HMCN1: variants seen among roughly 807,000 people sequenced by gnomAD.
HMCN1 encodes hemicentin 1.
HMCN1 carries 321 observed loss-of-function variants against 625.9 expected under a neutral mutation model. The observed-to-expected ratio is 0.51, with a 90% CI of 0.47 to 0.56. The LOEUF is 0.56. HMCN1 is among the 20% of genes least tolerant of loss of function. The pLI, the probability that HMCN1 is intolerant of heterozygous loss-of-function variation, is 0.00. For synonymous variants in HMCN1, 2,425 were observed against 2,417.6 expected (o/e 1.00, Z -0.09); for missense variants, 6,588 against 6,887.3 (o/e 0.96, Z 1.54).
Position 186,137,555 on chromosome 1 carries a change from A to G in HMCN1, c.13640A>G (p.Lys4547Arg), listed in dbSNP as rs1649682744. Residue 4547 changes from lysine to arginine, a missense_variant, in exon 88 of 107, where the codon AAA (lysine) becomes AGA (arginine). Coordinates refer to ENST00000271588, the MANE Select transcript of HMCN1 (RefSeq NM_031935.3). ...AWRACSVTCG[K>R]GIQKRSRLCN... Reference sequence around the variant, plus strand: ...AGAGCCTGCAGTGTCACCTGTGGAAAAGGCATCCAAAAGAGGAGTCGTCTG... The same window carrying G: ...AGAGCCTGCAGTGTCACCTGTGGAAGAGGCATCCAAAAGAGGAGTCGTCTG... 1.9e-6 allele frequency: 3 copies of G among 1,613,756 alleles called. No homozygotes were observed. The highest frequency in any genetic ancestry group is 2.5e-6 in the Non-Finnish European group (3 of 1,179,944).
intron 100 of HMCN1, among the ~76,000 whole-genome samples, chr1:186,167,394 A>G (rs1651945861): frequency 1.3e-5 from 2 of 152,314 alleles, no homozygotes; most frequent in South Asian, 2.1e-4. Context: ...AGATTCCTAT[A>G]TAACCCCTTC....
chr1:185,846,376 A>G (rs1661815242), intron 2 of HMCN1, among the ~76,000 whole-genome samples: 1 of 152,216 alleles, frequency 6.6e-6, no homozygotes, highest in Non-Finnish European at 1.5e-5. Flanking sequence ...GGTCCCTTTA[A>G]GGAAAAAGTT....
chr1:185,945,462 T>C (rs753543164), intron 11 of HMCN1, among the ~76,000 whole-genome samples: 2 of 152,154 alleles, frequency 1.3e-5, no homozygotes, highest in East Asian at 3.9e-4. Context: ...GCTGATGATA[T>C]AAATGAGGAG....
chr1:186,070,872 T>A, intron 52 of HMCN1, 115 bp downstream of exon 52: 3 of 1,051,676 alleles, frequency 2.9e-6, no homozygotes, highest in Admixed American at 1.8e-5. Context: ...ATCTTAAAAC[T>A]AGCAAATGCC....
At chr1:185,973,506 A>T (rs1003306614) in intron 15 of HMCN1, among the ~76,000 whole-genome samples, 1 of 152,034 alleles carries the variant, frequency 6.6e-6, no homozygotes, top group African/African-American at 2.4e-5. Context: ...TTAGGAAGAA[A>T]AGCATGCTTT....
At chr1:185,784,256 C>T (rs1657391062) in intron 1 of HMCN1, among the ~76,000 whole-genome samples, 1 of 152,166 alleles carries the variant, frequency 6.6e-6, no homozygotes, top group African/African-American at 2.4e-5. Flanking sequence ...TCTGTCACAG[C>T]TTCCCTTGGC....
intron 1 of HMCN1, among the ~76,000 whole-genome samples, chr1:185,786,963 T>G (rs900522097): frequency 6.6e-6 from 1 of 152,230 alleles, no homozygotes; most frequent in African/African-American, 2.4e-5. Context: ...CTTACTTCTG[T>G]TAACATGAGA....
chr1:185,844,843 G>T (rs977666090), intron 1 of HMCN1, among the ~76,000 whole-genome samples: 2 of 152,152 alleles, frequency 1.3e-5, no homozygotes, highest in Non-Finnish European at 2.9e-5. Flanking sequence ...TTTTTAAAGA[G>T]AAGAAGCTCT....
intron 1 of HMCN1, among the ~76,000 whole-genome samples, chr1:185,812,146 AT>A (rs139918904): frequency 0.19 from 27,932 of 149,884 alleles, 3,379 homozygotes; most frequent in Non-Finnish European, 0.27. Flanking sequence ...TATGTTGTTG[AT>A]TTTTTTTTTA....
intron 105 of HMCN1, 121 bp from the exon 106 acceptor site, chr1:186,187,762 G>A: frequency 7.6e-7 from 1 of 1,319,782 alleles, no homozygotes; most frequent in Non-Finnish European, 1.1e-6. Flanking sequence ...GTATGACTAA[G>A]TTCATTCATG....
chr1:185,822,993 T>C (rs1416599115), intron 1 of HMCN1, among the ~76,000 whole-genome samples: 2 of 152,128 alleles, frequency 1.3e-5, no homozygotes, highest in African/African-American at 4.8e-5. Context: ...TCATCTCCTC[T>C]TTCACTCTCC....
At chr1:185,904,112 T>G (rs1005303116) in intron 4 of HMCN1, among the ~76,000 whole-genome samples, 1 of 151,900 alleles carries the variant, frequency 6.6e-6, no homozygotes, top group Non-Finnish European at 1.5e-5. Flanking sequence ...ATCTTTCAAA[T>G]GAACGACAGA....
At chr1:185,813,661 A>G (rs972578447) in intron 1 of HMCN1, among the ~76,000 whole-genome samples, 12 of 152,190 alleles carry the variant, frequency 7.9e-5, no homozygotes, top group African/African-American at 2.7e-4. Context: ...AGAAACTTTT[A>G]TAAGGAATTT....
At chr1:185,940,384 G>A (rs1003257169) in intron 11 of HMCN1, among the ~76,000 whole-genome samples, 1 of 151,956 alleles carries the variant, frequency 6.6e-6, no homozygotes, top group African/African-American at 2.4e-5. Flanking sequence ...AACTGTCATG[G>A]CTAAGTTTTC....
rs145229351 is a variant in HMCN1 at position 185,900,166 on chromosome 1, A to G, written c.622-9171A>G. ...AGTCTGACTTTCTCTGATTTAATCC[A>G]TTGCTTTCATTTACTTCCAAAATTT... On this transcript the variant is annotated intron_variant, in intron 4 of 106. Transcript: ENST00000271588. Among the ~76,000 whole-genome samples the G allele has an allele frequency of 5.0e-3, 766 of 151,932 alleles. 4 individuals are homozygous for G. Among genetic ancestry groups the G allele is most frequent in the Admixed American group, 8.7e-3 (132 of 15,234 alleles).
intron 15 of HMCN1, among the ~76,000 whole-genome samples, chr1:185,970,737 C>T (rs866666082): frequency 1.3e-5 from 2 of 152,042 alleles, no homozygotes; most frequent in Middle Eastern, 6.8e-3. Context: ...CGGCTCACTG[C>T]AACCTCTGCA....
chr1:186,175,881 A>C (rs1276013239), intron 103 of HMCN1, among the ~76,000 whole-genome samples: 1 of 148,608 alleles, frequency 6.7e-6, no homozygotes, highest in African/African-American at 2.5e-5. Context: ...TGTCTCAAAA[A>C]AAAAAAAAAA....
At chr1:186,037,813 G>T in intron 36 of HMCN1, 121 bp from the exon 37 acceptor site, 2 of 696,772 alleles carry the variant, frequency 2.9e-6, no homozygotes, top group Non-Finnish European at 2.6e-6. Context: ...TTCCAAATAG[G>T]TCAGTGTATA....
chr1:185,816,190 A>G (rs1407354528), intron 1 of HMCN1, among the ~76,000 whole-genome samples: 1 of 152,236 alleles, frequency 6.6e-6, no homozygotes, highest in Non-Finnish European at 1.5e-5. Flanking sequence ...AGGGACTCAA[A>G]GGAAGAACAA....
Sources: allele counts gnomAD v4.1 joint callset (sites outside exome capture counted in the v4.1 genomes callset), GRCh38; gene constraint gnomAD v4.1.1; transcripts MANE v1.5; gene names NCBI Gene and HGNC (gene_info 2026-07-23, HGNC 2026-07-21).